Variants in FAM135B observed in about 807,000 individuals in gnomAD.
The protein encoded by FAM135B is protein FAM135B.
Under a neutral mutation model 127.7 loss-of-function variants are expected in FAM135B, and 43 were observed. The observed-to-expected ratio is 0.34, with a 90% confidence interval of 0.26 to 0.43. FAM135B has a LOEUF of 0.43. Among genes scored for constraint, FAM135B ranks in the 20% least tolerant of loss-of-function variants. FAM135B has a pLI of 1.00. For synonymous variants in FAM135B, 670 were observed against 665.1 expected (o/e 1.01, Z -0.11); for missense variants, 1,558 against 1,725.6 (o/e 0.90, Z 1.72).
intron 3 of FAM135B, among the ~76,000 whole-genome samples, chr8:138,280,828 C>A (rs1260849250): frequency 5.9e-5 from 9 of 152,034 alleles, no homozygotes; most frequent in Admixed American, 1.3e-4. Flanking sequence ...GGGAAAGTGA[C>A]AGGAGGGTTT....
intron 2 of FAM135B, among the ~76,000 whole-genome samples, chr8:138,322,856 C>T (rs548525526): frequency 3.7e-4 from 56 of 152,228 alleles, no homozygotes; most frequent in Admixed American, 7.2e-4. Flanking sequence ...CACTGTGATG[C>T]GGAGGTGAAA....
intron 1 of FAM135B, among the ~76,000 whole-genome samples, chr8:138,382,663 T>A (rs550732505): frequency 6.6e-6 from 1 of 152,148 alleles, no homozygotes; most frequent in Non-Finnish European, 1.5e-5. Flanking sequence ...AATTTATACA[T>A]AAAGTGCATA....
chr8:138,315,513 C>G lies in FAM135B; in HGVS notation c.78-4593G>C, dbSNP rs182495677. On this transcript the variant is annotated intron_variant, in intron 2 of 19. Coordinates refer to ENST00000395297, the MANE Select transcript of FAM135B (RefSeq NM_015912.4). ...CAAAGTCAGCACCTCATGGAGAGAT[C>G]TGCACCTCCACCTTCATTGCGGCAT... Among the ~76,000 whole-genome samples the G allele has an allele frequency of 1.2e-4, 19 of 152,278 alleles. No individual in the cohort carries two copies. The East Asian group carries it at 2.1e-3, about 17-fold the overall frequency.
intron 7 of FAM135B, among the ~76,000 whole-genome samples, chr8:138,212,418 G>A (rs1818215735): frequency 6.6e-6 from 1 of 152,150 alleles, no homozygotes; most frequent in African/African-American, 2.4e-5. Flanking sequence ...GGCACAAAAA[G>A]GAAATAAGAG....
At chr8:138,192,327 T>C (rs1816202990) in intron 9 of FAM135B, among the ~76,000 whole-genome samples, 1 of 152,132 alleles carries the variant, frequency 6.6e-6, no homozygotes, top group African/African-American at 2.4e-5. Context: ...GGAACTTGCT[T>C]TACAGTTTGA....
chr8:138,169,708 T>C (rs1462415288), intron 11 of FAM135B, among the ~76,000 whole-genome samples: 1 of 152,172 alleles, frequency 6.6e-6, no homozygotes, highest in Non-Finnish European at 1.5e-5. Flanking sequence ...TGAGCACCTG[T>C]GAACTTAGGC....
chr8:138,462,523 G>A (rs529511587), intron 1 of FAM135B, among the ~76,000 whole-genome samples: 16 of 152,172 alleles, frequency 1.1e-4, no homozygotes, highest in Non-Finnish European at 2.4e-4. Flanking sequence ...CACCCAGAGG[G>A]TGTGCAGGTC....
At chr8:138,374,148 G>T (rs565426469) in intron 1 of FAM135B, among the ~76,000 whole-genome samples, 1 of 151,962 alleles carries the variant, frequency 6.6e-6, no homozygotes, top group African/African-American at 2.4e-5. Context: ...TGTCTCCCTC[G>T]GACGCCCAGC....
chr8:138,215,890 C>T (rs1301879206), intron 7 of FAM135B, among the ~76,000 whole-genome samples: 2 of 152,136 alleles, frequency 1.3e-5, no homozygotes, highest in Non-Finnish European at 2.9e-5. Flanking sequence ...TTTCTTTGGA[C>T]ATTCTCTCGG....
intron 2 of FAM135B, among the ~76,000 whole-genome samples, chr8:138,313,445 A>G (rs1826844166): frequency 6.6e-6 from 1 of 151,946 alleles, no homozygotes; most frequent in Non-Finnish European, 1.5e-5. Flanking sequence ...AACATATTCT[A>G]AACACAGAAT....
In FAM135B at chr8:138,241,757, T is replaced by C. The variant is rs1270799918; in HGVS notation, c.669+1185A>G. ...TTAATGTGACAGTTACTTTTACGTG[T>C]CATCTTACTTGGGCCACAAGGTGCC... On this transcript the variant is annotated intron_variant, in intron 7 of 19. Transcript: ENST00000395297. The surrounding 1 kb of genome is among the most constrained non-coding windows in gnomAD (Gnocchi z 4.8). Among the ~76,000 whole-genome samples, 3 of 152,210 alleles carry C rather than the reference T, an allele frequency of 2.0e-5. No individual in the cohort carries two copies. Among genetic ancestry groups the C allele is most frequent in the Admixed American group, 2.0e-4 (3 of 15,288 alleles).
At chr8:138,314,702 A>AATAAATAAATAAATAAATAC in intron 2 of FAM135B, among the ~76,000 whole-genome samples, 1 of 147,870 alleles carries the variant, frequency 6.8e-6, no homozygotes. Flanking sequence ...ACAATAAATA[A>AATAAATAAATAAATAAATAC]ATAAATAAAT....
At chr8:138,368,257 C>T (rs1260558171) in intron 1 of FAM135B, among the ~76,000 whole-genome samples, 1 of 152,140 alleles carries the variant, frequency 6.6e-6, no homozygotes, top group Non-Finnish European at 1.5e-5. Flanking sequence ...GAGCTGGTCC[C>T]CTGCCCTTTC....
At chr8:138,430,850 T>C (rs1482596941) in intron 1 of FAM135B, among the ~76,000 whole-genome samples, 2 of 152,168 alleles carry the variant, frequency 1.3e-5, no homozygotes, top group Admixed American at 6.5e-5. Context: ...ATTTCAGCTC[T>C]GCCATCAGCT....
intron 2 of FAM135B, among the ~76,000 whole-genome samples, chr8:138,355,274 G>T (rs1166625255): frequency 2.0e-5 from 3 of 152,146 alleles, no homozygotes; most frequent in African/African-American, 7.2e-5. Flanking sequence ...GCACACCTAT[G>T]TTTACTGCGG....
At chr8:138,216,249 A>G (rs1049006888) in intron 7 of FAM135B, among the ~76,000 whole-genome samples, 1 of 152,208 alleles carries the variant, frequency 6.6e-6, no homozygotes, top group Non-Finnish European at 1.5e-5. Context: ...ACTACCAATA[A>G]GACTTAGAAC....
intron 1 of FAM135B, among the ~76,000 whole-genome samples, chr8:138,389,872 C>G (rs1228793468): frequency 6.6e-6 from 1 of 152,216 alleles, no homozygotes; most frequent in Non-Finnish European, 1.5e-5. Flanking sequence ...CTCTTACCCT[C>G]TTCTGGAAAT....
At chr8:138,181,185 G>A (rs1814997384) in intron 9 of FAM135B, among the ~76,000 whole-genome samples, 2 of 152,054 alleles carry the variant, frequency 1.3e-5, no homozygotes, top group South Asian at 4.2e-4. Flanking sequence ...AGGTTGCAGT[G>A]AGCCGAGATC....
intron 7 of FAM135B, among the ~76,000 whole-genome samples, chr8:138,206,373 A>G (rs2129723988): frequency 2.0e-5 from 3 of 149,990 alleles, no homozygotes; most frequent in African/African-American, 4.9e-5. Flanking sequence ...ACCTACCCAC[A>G]ACTCTATCAT....
Sources: allele counts gnomAD v4.1 joint callset (sites outside exome capture counted in the v4.1 genomes callset), GRCh38; gene constraint gnomAD v4.1.1; non-coding constraint Gnocchi (gnomAD v3.1); transcripts MANE v1.5; gene names NCBI Gene and HGNC (gene_info 2026-07-23, HGNC 2026-07-21).